RXFP2: variants seen among roughly 807,000 people sequenced by gnomAD.
RXFP2 encodes relaxin receptor 2.
RXFP2 carries 68 observed loss-of-function variants against 88.6 expected under a neutral mutation model. That is an observed-to-expected ratio of 0.77 (90% CI 0.63 to 0.94). The LOEUF is 0.94. Ranked by LOEUF, RXFP2 falls within the 40% of genes least tolerant of loss-of-function variation. The probability of loss-of-function intolerance (pLI) is 0.00; values close to 1 mark genes in which losing one functional copy is unlikely to be tolerated. For missense variants in RXFP2, 791 were observed against 893.9 expected (o/e 0.88, Z 1.47); for synonymous variants, 329 against 306.8 (o/e 1.07, Z -0.76).
intron 11 of RXFP2, 43 bp downstream of exon 11, chr13:31,782,790 G>A (rs375231312): frequency 3.0e-4 from 382 of 1,263,650 alleles, no homozygotes; most frequent in Middle Eastern, 5.9e-4. Context: ...TGCTTCTTCC[G>A]AGATTATAAA....
intron 5 of RXFP2, among the ~76,000 whole-genome samples, chr13:31,774,095 C>A (rs1872833363): frequency 6.6e-6 from 1 of 152,206 alleles, no homozygotes; most frequent in South Asian, 2.1e-4. Flanking sequence ...TGCCCTGGTT[C>A]AACTGCTGAT....
In RXFP2 at chr13:31,751,176, C is replaced by T. The variant is rs149305542; in HGVS notation, c.95-7082C>T. Among the ~76,000 whole-genome samples, 509 of 152,112 alleles carry T rather than the reference C, an allele frequency of 3.3e-3. 5 individuals carry two copies. The highest frequency in any genetic ancestry group is 0.011 in the African/African-American group (461 of 41,484). On this transcript the variant is annotated intron_variant, in intron 1 of 17. Transcript: ENST00000298386. The stretch of plus-strand genomic sequence containing the variant: ...GTGTGTTGGCGCATGCCTGTAATTC[C>T]GGCTACTTGGGAGGCTGAGGCAGGA...
At chr13:31,760,885 TACATTTACATATGACAAATTG>T (rs1180363444) in intron 2 of RXFP2, among the ~76,000 whole-genome samples, 1 of 152,204 alleles carries the variant, frequency 6.6e-6, no homozygotes, top group Non-Finnish European at 1.5e-5. Context: ...GCAAATAAAT[TACATTTACATATGACAAATTG>T]ACATTAATAT....
intron 7 of RXFP2, among the ~76,000 whole-genome samples, chr13:31,776,102 T>TTTCCTTCTTTCTTTC (rs35847911): frequency 9.1e-6 from 1 of 109,830 alleles, no homozygotes; most frequent in East Asian, 2.7e-4. Context: ...CTTTCTTTTC[T>TTTCCTTCTTTCTTTC]TTTCTTTCTT....
At chr13:31,789,663 AGTAT>A (rs1157308888) in intron 14 of RXFP2, among the ~76,000 whole-genome samples, 2 of 152,240 alleles carry the variant, frequency 1.3e-5, no homozygotes, top group East Asian at 3.8e-4. Context: ...AAGTCACTTT[AGTAT>A]ATTTGGCTAA....
At chr13:31,764,643 G>C (rs1379197603) in intron 3 of RXFP2, among the ~76,000 whole-genome samples, 2 of 152,098 alleles carry the variant, frequency 1.3e-5, no homozygotes, top group African/African-American at 4.8e-5. Context: ...TAAACAATAA[G>C]GATTTATTGA....
intron 10 of RXFP2, among the ~76,000 whole-genome samples, chr13:31,782,302 G>T (rs1873321167): frequency 6.6e-6 from 1 of 152,038 alleles, no homozygotes; most frequent in Non-Finnish European, 1.5e-5. Flanking sequence ...TCAGTGTTTT[G>T]GTTTTGTTTT....
intron 17 of RXFP2, among the ~76,000 whole-genome samples, chr13:31,797,732 A>T (rs1307496536): frequency 6.6e-6 from 1 of 152,126 alleles, no homozygotes; most frequent in Non-Finnish European, 1.5e-5. Context: ...TCCACCCGGG[A>T]CTGTTTTGTC....
At chr13:31,758,806 G>A (rs1872102351) in intron 2 of RXFP2, among the ~76,000 whole-genome samples, 1 of 152,136 alleles carries the variant, frequency 6.6e-6, no homozygotes, top group African/African-American at 2.4e-5. Context: ...GGAAGGCCGA[G>A]GCAGGTGGCT....
intron 6 of RXFP2, 114 bp from the exon 7 acceptor site, chr13:31,775,204 T>G (rs1872890754): frequency 1.1e-6 from 1 of 896,224 alleles, no homozygotes; most frequent in Non-Finnish European, 1.9e-6. Flanking sequence ...AGCCGAATAC[T>G]TTCAGACGCA....
chr13:31,794,883 G>C (rs915763944), intron 16 of RXFP2, among the ~76,000 whole-genome samples: 1 of 150,808 alleles, frequency 6.6e-6, no homozygotes, highest in African/African-American at 2.4e-5. Flanking sequence ...TAGACAAAGA[G>C]ATCGTCACAC....
intron 1 of RXFP2, among the ~76,000 whole-genome samples, chr13:31,757,970 T>A (rs758039074): frequency 7.2e-5 from 11 of 152,210 alleles, no homozygotes; most frequent in Non-Finnish European, 1.3e-4. Flanking sequence ...TTCACGTCTG[T>A]AATCTTGGCT....
At chr13:31,748,047 A>G (rs1871501214) in intron 1 of RXFP2, among the ~76,000 whole-genome samples, 1 of 152,202 alleles carries the variant, frequency 6.6e-6, no homozygotes, top group African/African-American at 2.4e-5. Flanking sequence ...ATCTGAAATC[A>G]CTTTGGATGT....
At chr13:31,788,065 T>C (rs533664096) in intron 13 of RXFP2, among the ~76,000 whole-genome samples, 2 of 151,568 alleles carry the variant, frequency 1.3e-5, no homozygotes, top group East Asian at 3.9e-4. Flanking sequence ...CAGGATGCTA[T>C]AGGTTAGTAA....
At position 31,803,202 on chromosome 13, in the gene RXFP2, A is replaced by G. The variant is rs1178723077; in HGVS notation, c.*797A>G. Reference sequence around the variant, plus strand: ...CAAGTTCTGCTTTCATAAAATATGCAGATAAGAAGTGTTAAATGGGATTCA... The same window carrying G: ...CAAGTTCTGCTTTCATAAAATATGCGGATAAGAAGTGTTAAATGGGATTCA... On this transcript the variant is annotated 3_prime_UTR_variant, in exon 18 of 18. Transcript: ENST00000298386. 6.6e-6 allele frequency: 1 copy of G among 152,228 alleles called. No homozygotes were observed. Among genetic ancestry groups the G allele is most frequent in the African/African-American group, 2.4e-5 (1 of 41,460 alleles). The allele number at this position is 152,228 out of a possible 1,614,324, so 9.4% of individuals were successfully genotyped here.
intron 5 of RXFP2, among the ~76,000 whole-genome samples, chr13:31,774,226 G>T (rs1229138207): frequency 6.6e-6 from 1 of 152,182 alleles, no homozygotes; most frequent in Non-Finnish European, 1.5e-5. Context: ...GATAAATGAG[G>T]AGTTAAAGGT....
chr13:31,792,706 G>A lies in RXFP2; in HGVS notation c.1404G>A (p.Leu468=). Residue 468 remains leucine (L), a synonymous_variant, in exon 16 of 18, where the codon TTG becomes TTA. Transcript: ENST00000298386. ...CTGATTGCCTGATGGGTGTTTACTT[G>A]TTCTTTGTTGGCATTTTCGATATAA... ...CCADCLMGVY[L]FFVGIFDIKY... The A allele has an allele frequency of 1.9e-6, 3 of 1,614,138 alleles. No individual in the cohort carries two copies. The highest frequency in any genetic ancestry group is 2.2e-5 in the South Asian group (2 of 91,078).
rs1593470314 is a variant in RXFP2 at position 31,791,841 on chromosome 13, C to T, written c.1181C>T (p.Pro394Leu). The change falls in exon 15 of 18, where the codon CCC becomes CTC. Residue 394 changes from proline to leucine, a missense_variant. Coordinates refer to ENST00000298386, the MANE Select transcript of RXFP2 (RefSeq NM_130806.5). ...AACTTTCGATACTGCTCCTATGCTC[C>T]CCATGTCCGAATATGTATGCCCTTG... Reference protein sequence around the residue: ...FKNFRYCSYAPHVRICMPLTD... With the variant: ...FKNFRYCSYALHVRICMPLTD... 6.2e-7 allele frequency: 1 copy of T among 1,614,104 alleles called. No homozygotes were observed.
At chr13:31,796,977 A>G (rs545083056) in intron 16 of RXFP2, among the ~76,000 whole-genome samples, 147 of 152,220 alleles carry the variant, frequency 9.7e-4, no homozygotes, top group Non-Finnish European at 1.9e-3. Context: ...AATTACTTTC[A>G]GACTATGTGT....
Sources: allele counts gnomAD v4.1 joint callset (sites outside exome capture counted in the v4.1 genomes callset), GRCh38; gene constraint gnomAD v4.1.1; transcripts MANE v1.5; gene names NCBI Gene and HGNC (gene_info 2026-07-23, HGNC 2026-07-21).